The following DHX30 variants were observed in gnomAD, a reference collection of about 807,000 sequenced individuals.
DHX30 encodes ATP-dependent RNA helicase DHX30.
Under a neutral mutation model 116.9 loss-of-function variants are expected in DHX30, and 4 were observed. The ratio of observed to expected loss-of-function variants is 0.03; its 90% CI spans 0.02 to 0.08. The LOEUF is 0.08. DHX30 is among the 10% of genes least tolerant of loss of function. DHX30 has a pLI of 1.00. For missense variants in DHX30, 871 were observed against 1,595.1 expected (o/e 0.55, Z 7.73); for synonymous variants, 697 against 651.7 (o/e 1.07, Z -1.06).
At chr3:47,822,025 G>A (rs533169363) in intron 4 of DHX30, 1 of 152,330 alleles carries the variant, frequency 6.6e-6, no homozygotes, top group East Asian at 1.9e-4. Context: ...TAGAATGAAA[G>A]CAGTCATAGA....
intron 4 of DHX30, among the ~76,000 whole-genome samples, chr3:47,824,387 C>T (rs2036441653): frequency 1.3e-5 from 2 of 152,192 alleles, no homozygotes; most frequent in Non-Finnish European, 2.9e-5. Flanking sequence ...TCACCTTCCC[C>T]TCCAGCCCTG....
At chr3:47,820,890 A>C (rs1488449486) in intron 4 of DHX30, among the ~76,000 whole-genome samples, 1 of 149,328 alleles carries the variant, frequency 6.7e-6, no homozygotes, top group Non-Finnish European at 1.5e-5. Flanking sequence ...AAAGGGGTGC[A>C]TGCGTAAGGC....
intron 6 of DHX30, among the ~76,000 whole-genome samples, chr3:47,838,862 A>T (rs1279828246): frequency 6.6e-6 from 1 of 151,810 alleles, no homozygotes; most frequent in East Asian, 1.9e-4. Context: ...TGCTGCTTAG[A>T]TTCCTTGTTT....
In DHX30 at chr3:47,847,088, G is replaced by A. The variant is rs2037643073; in HGVS notation, c.1929+87G>A. The stretch of plus-strand genomic sequence containing the variant: ...CCTGGCCCTGGGGCTTGGTGCCTGG[G>A]GCAAGTTACCCTCCCCAGTCCTCGG... On this transcript the variant is annotated intron_variant, in intron 11 of 21. Transcript: ENST00000445061. The surrounding 1 kb of genome is among the most constrained non-coding windows in gnomAD (Gnocchi z 5.5). 1 of 1,531,876 alleles carries A rather than the reference G, an allele frequency of 6.5e-7. No homozygotes were observed. Among genetic ancestry groups the A allele is most frequent in the Non-Finnish European group, 8.9e-7 (1 of 1,127,402 alleles). 94.9% of individuals were successfully genotyped at this position (1,531,876 alleles called of 1,614,324 possible). A position where few individuals can be genotyped will look rare whatever the true frequency, so the allele number is the denominator to read the frequency against.
chr3:47,804,314 G>A (rs1184660650), intron 1 of DHX30, among the ~76,000 whole-genome samples: 1 of 152,186 alleles, frequency 6.6e-6, no homozygotes, highest in Non-Finnish European at 1.5e-5. Context: ...CAGCACTTTG[G>A]GAGGCCGAGG....
rs374999228 is a variant in DHX30, at chr3:47,840,915, C to T, written c.405C>T (p.Asp135=). Residue 135 remains aspartate, a synonymous_variant, in exon 7 of 22, where the codon GAC becomes GAT. Transcript: ENST00000445061. The part of the protein sequence containing the change: ...GLLGPRNELF[D]AAKYRVLADR... Reference sequence around the variant, plus strand: ...TAGGTCCCCGGAATGAGTTGTTTGACGCAGCCAAATACCGAGTGCTAGCTG... The same window carrying T: ...TAGGTCCCCGGAATGAGTTGTTTGATGCAGCCAAATACCGAGTGCTAGCTG... 2.4e-5 allele frequency: 38 copies of T among 1,614,068 alleles called. No individual in the cohort carries two copies. The highest frequency in any genetic ancestry group is 2.8e-5 in the Non-Finnish European group (33 of 1,180,048).
chr3:47,810,483 G>A (rs200169323), intron 2 of DHX30, among the ~76,000 whole-genome samples, 174 bp from the exon 3 acceptor site: 2 of 152,244 alleles, frequency 1.3e-5, no homozygotes, highest in African/African-American at 4.8e-5. Context: ...AATTACTCTA[G>A]AGTGGAGCTG....
At chr3:47,827,106 C>A (rs1373095671) in intron 4 of DHX30, among the ~76,000 whole-genome samples, 1 of 151,984 alleles carries the variant, frequency 6.6e-6, no homozygotes, top group Admixed American at 6.6e-5. Context: ...TGGTAGGATC[C>A]CTTCTGTGGT....
At chr3:47,814,483 T>C (rs999663022) in intron 3 of DHX30, among the ~76,000 whole-genome samples, 9 of 149,256 alleles carry the variant, frequency 6.0e-5, no homozygotes, top group African/African-American at 2.2e-4. Flanking sequence ...CTGAGCGCCG[T>C]GTCTCATGCT....
intron 4 of DHX30, chr3:47,825,067 C>G: frequency 1.5e-6 from 1 of 666,000 alleles, no homozygotes; most frequent in South Asian, 1.6e-5. Context: ...ACTCATGGCG[C>G]TGGCCGCCGG....
chr3:47,815,551 G>A lies in DHX30; in HGVS notation c.29-2471G>A, dbSNP rs181579610. ...GGTGGCCCACTGGGTCTTGTGGCTA[G>A]CTACCATCTTTCTCATTATGTAATT... On this transcript the variant is annotated intron_variant, in intron 3 of 21. Transcript: ENST00000445061. Among the ~76,000 whole-genome samples, 250 of 152,136 alleles carry A rather than the reference G, an allele frequency of 1.6e-3. 1 individual carries two copies. The highest frequency in any genetic ancestry group is 2.4e-3 in the Admixed American group (36 of 15,258).
chr3:47,813,690 TTCTC>T (rs1034729971), intron 3 of DHX30, among the ~76,000 whole-genome samples: 3 of 152,092 alleles, frequency 2.0e-5, no homozygotes, highest in Non-Finnish European at 2.9e-5. Context: ...TGATTGTGTC[TTCTC>T]TCTCTCTAAG....
At chr3:47,826,590 C>T (rs1026003305) in intron 4 of DHX30, among the ~76,000 whole-genome samples, 1 of 152,046 alleles carries the variant, frequency 6.6e-6, no homozygotes, top group Non-Finnish European at 1.5e-5. Flanking sequence ...GGACTACAGG[C>T]GCCTGCCACC....
intron 6 of DHX30, among the ~76,000 whole-genome samples, chr3:47,834,723 G>T (rs1218555261): frequency 6.6e-6 from 1 of 152,114 alleles, no homozygotes; most frequent in African/African-American, 2.4e-5. Flanking sequence ...GCCTCCCAAA[G>T]TGCTGGGATT....
rs748515808 is a variant in DHX30, at chr3:47,847,840, G to T, written c.2170G>T (p.Val724Leu). The T allele has an allele frequency of 6.2e-6, 10 of 1,614,190 alleles. No individual in the cohort carries two copies. Among genetic ancestry groups the T allele is most frequent in the Non-Finnish European group, 8.5e-6 (10 of 1,180,042 alleles). Residue 724 changes from valine (V) to leucine (L), a missense_variant, in exon 14 of 22, where the codon GTG becomes TTG. Val to Leu is a conservative substitution (Grantham distance 32). Around this residue, in one of 13 missense-constraint regions of DHX30, gnomAD observed 49 missense variants for 60.9 expected, o/e 0.80. Coordinates refer to ENST00000445061, the MANE Select transcript of DHX30 (RefSeq NM_138615.3). The surrounding 1 kb of genome is among the most constrained non-coding windows in gnomAD (Gnocchi z 5.5). ...CATATTCCAGCAGCCTCCAGTTGGG[G>T]TGCGCAAGATTGTCTTGGCCACCAA... Reference protein sequence around the residue: ...KAIFQQPPVGVRKIVLATNIA... With the variant: ...KAIFQQPPVGLRKIVLATNIA...
intron 7 of DHX30, 42 bp from the exon 8 acceptor site, chr3:47,841,575 A>G: frequency 1.9e-6 from 3 of 1,613,618 alleles, no homozygotes; most frequent in Non-Finnish European, 2.5e-6. Flanking sequence ...AAATTGGTCC[A>G]GGAAGAGAGA....
At chr3:47,810,567 G>T in intron 2 of DHX30, 90 bp from the exon 3 acceptor site, 2 of 1,055,784 alleles carry the variant, frequency 1.9e-6, no homozygotes, top group South Asian at 1.3e-5. Context: ...TTCATTTTCT[G>T]AACAGTGCTC....
intron 6 of DHX30, among the ~76,000 whole-genome samples, chr3:47,839,298 T>C (rs2037259207): frequency 6.6e-6 from 1 of 150,578 alleles, no homozygotes; most frequent in South Asian, 2.1e-4. Flanking sequence ...TTTTTTTTTT[T>C]TTGAGACGGA....
chr3:47,828,417 G>C (rs536064797), intron 5 of DHX30, among the ~76,000 whole-genome samples: 200 of 145,556 alleles, frequency 1.4e-3, no homozygotes, highest in African/African-American at 4.8e-3. Flanking sequence ...CTGTGATCGT[G>C]CCACTGCACT....
Sources: gnomAD v4.1 joint callset for allele counts (sites outside exome capture counted in the v4.1 genomes callset) on GRCh38, gnomAD v4.1.1 for gene constraint, gnomAD v4.1.1 regional missense constraint, Gnocchi (gnomAD v3.1) non-coding constraint, MANE v1.5 for transcripts, NCBI Gene and HGNC (gene_info 2026-07-23, HGNC 2026-07-21) for gene names.